SHANK1: variants seen among roughly 807,000 people sequenced by gnomAD.
SHANK1 encodes the protein SH3 and multiple ankyrin repeat domains 1, also known as SH3 and multiple ankyrin repeat domains protein 1.
In SHANK1, 35 loss-of-function variants were observed where a neutral mutation model predicts 165.6. The observed-to-expected ratio is 0.21, with a 90% CI of 0.16 to 0.28. The LOEUF (loss-of-function observed/expected upper bound fraction) is 0.28. SHANK1 is among the 10% of genes least tolerant of loss of function. The pLI, the probability that SHANK1 is intolerant of heterozygous loss-of-function variation, is 1.00. For missense variants in SHANK1, 2,681 were observed against 3,036.4 expected (o/e 0.88, Z 2.75); for synonymous variants, 1,428 against 1,384.8 (o/e 1.03, Z -0.69).
intron 23 of SHANK1, among the ~76,000 whole-genome samples, chr19:50,663,938 C>CTTTT (rs1454041752): frequency 1.1e-4 from 4 of 37,062 alleles, no homozygotes; most frequent in African/African-American, 3.7e-4. Flanking sequence ...CTCTCTCTCT[C>CTTTT]TCTTTTTTTT....
Position 50,717,003 on chromosome 19 carries a change from A to C in SHANK1, c.-43-41T>G. ...GCGGCCATCAGACTAGGAGCCCGGG[A>C]CCCCTCAGAGGCCGCAGGCGCTATT... is the stretch of plus-strand genomic sequence containing the variant. On this transcript the variant is annotated intron_variant, in intron 1 of 23. Coordinates refer to ENST00000293441, the MANE Select transcript of SHANK1 (RefSeq NM_016148.5). The surrounding 1 kb of genome is among the most constrained non-coding windows in gnomAD (Gnocchi z 5.5). 1 of 1,363,548 alleles carries C rather than the reference A, an allele frequency of 7.3e-7. No individual in the cohort carries two copies. The highest frequency in any genetic ancestry group is 9.4e-7 in the Non-Finnish European group (1 of 1,059,460). 84.5% of individuals were successfully genotyped at this position (1,363,548 alleles called of 1,614,324 possible).
At chr19:50,682,586 G>A (rs949168850) in intron 21 of SHANK1, among the ~76,000 whole-genome samples, 2 of 152,168 alleles carry the variant, frequency 1.3e-5, no homozygotes, top group African/African-American at 4.8e-5. Flanking sequence ...GAGTTTCTGG[G>A]GGATCAGGAA....
At position 50,702,786 on chromosome 19, in the gene SHANK1, G is replaced by A; in HGVS notation, c.1554-126C>T. ...GGGGAGGGGGGGTTTCCCAGCACTG[G>A]CGTCCTCCAAGGAAGAGGGCATTTG... On this transcript the variant is annotated intron_variant, in intron 11 of 23. Transcript: ENST00000293441. This position sits in a 1 kb window ranked among gnomAD's most constrained non-coding sequence, Gnocchi z 5.3. The A allele has an allele frequency of 3.1e-6, 2 of 644,452 alleles. No homozygotes were observed. Among genetic ancestry groups the A allele is most frequent in the Non-Finnish European group, 5.3e-6 (2 of 379,748 alleles). The allele number at this position is 644,452 out of a possible 1,614,324, so 39.9% of individuals were successfully genotyped here.
chr19:50,704,429 C>T lies in SHANK1; in HGVS notation c.1155+8G>A, dbSNP rs1334536640. The T allele has an allele frequency of 6.2e-7, 1 of 1,613,068 alleles. No individual in the cohort carries two copies. The highest frequency in any genetic ancestry group is 1.3e-5 in the African/African-American group (1 of 74,914). On this transcript the variant is annotated splice_region_variant and intron_variant, in intron 9 of 23. Transcript: ENST00000293441. ...GGAAACTCCAGCACATCCCCTGCAGCCCCAGACCTGGAAGGGGGTCTGTCC... is the reference window on the plus strand; with the variant it reads ...GGAAACTCCAGCACATCCCCTGCAGTCCCAGACCTGGAAGGGGGTCTGTCC...
intron 19 of SHANK1, chr19:50,687,067 A>C: frequency 7.0e-7 from 1 of 1,432,264 alleles, no homozygotes; most frequent in Non-Finnish European, 9.1e-7. Context: ...GCAGTAGAGG[A>C]GCCAAGAGTT....
rs1012463030 is a variant in SHANK1 at position 50,680,558 on chromosome 19, G to A, written c.2577+5679C>T. On this transcript the variant is annotated intron_variant, in intron 21 of 23. Coordinates refer to ENST00000293441, the MANE Select transcript of SHANK1 (RefSeq NM_016148.5). ...ACCTAGGGTGGATCTGCTGGGCTCC[G>A]CGCCCCTGCTGTCCCTACCTCCTCT... Among the ~76,000 whole-genome samples, 8 of 152,078 alleles carry A rather than the reference G, an allele frequency of 5.3e-5. No homozygotes were observed. The East Asian group carries it at 5.8e-4, about 11-fold the overall frequency.
chr19:50,693,954 G>A (rs1398915218), intron 15 of SHANK1, among the ~76,000 whole-genome samples: 1 of 151,698 alleles, frequency 6.6e-6, no homozygotes, highest in Non-Finnish European at 1.5e-5. Flanking sequence ...GGTAGGCCAG[G>A]CCCAGGAGGG....
In SHANK1 at chr19:50,670,122, A is replaced by G. The variant is rs575417341; in HGVS notation, c.2675-837T>C. On this transcript the variant is annotated intron_variant, in intron 22 of 23. Coordinates refer to ENST00000293441, the MANE Select transcript of SHANK1 (RefSeq NM_016148.5). The surrounding 1 kb of genome is among the most constrained non-coding windows in gnomAD (Gnocchi z 4.1). ...ACACCCAGCTGGCTGTCTCACGGGCATCTCAGACTCCAAACGCTCCAACCC... is the reference window on the plus strand; with the variant it reads ...ACACCCAGCTGGCTGTCTCACGGGCGTCTCAGACTCCAAACGCTCCAACCC... 1.6e-4 allele frequency among the ~76,000 whole-genome samples: 25 copies of G among 152,154 alleles called. No homozygotes were observed. Among genetic ancestry groups the G allele is most frequent in the Admixed American group, 6.5e-5 (1 of 15,292 alleles).
rs143340442 is a variant in SHANK1, at chr19:50,716,441, G to A, written c.293C>T (p.Thr98Met). The stretch of plus-strand genomic sequence containing the variant: ...GGCACAGAGCACCTGCTGCTTGGCC[G>A]TCCAGATGGTGGCATCGGGGTTGAA... ...LRFNPDATIW[T>M]AKQQVLCALS... The change falls in exon 3 of 24, where the codon ACG (threonine) becomes ATG (methionine). Residue 98 changes from threonine (T) to methionine (M), a missense_variant. By Grantham distance (81) the Thr-to-Met change is moderately conservative. This residue lies in a region of SHANK1 where 189 missense variants were observed against 440.9 expected (regional missense o/e 0.43). Coordinates refer to ENST00000293441, the MANE Select transcript of SHANK1 (RefSeq NM_016148.5). This position sits in a 1 kb window ranked among gnomAD's most constrained non-coding sequence, Gnocchi z 8.4. The A allele has an allele frequency of 6.2e-5, 100 of 1,614,156 alleles. No homozygotes were observed. The highest frequency in any genetic ancestry group is 2.9e-4 in the African/African-American group (22 of 75,036).
In SHANK1 at chr19:50,662,452, C is replaced by A; in HGVS notation, c.5999G>T (p.Ser2000Ile). 1 of 1,552,084 alleles carries A rather than the reference C, an allele frequency of 6.4e-7. No individual in the cohort carries two copies. The highest frequency in any genetic ancestry group is 1.9e-5 in the Admixed American group (1 of 51,718). ...MRPPLLRRAP[S>I]PSLLPASEHK... ...CTCCGAGGCGGGCAGCAGCGAGGGGCTGGGGGCCCGGCGGAGCAGAGGGGG... is the reference window on the plus strand; with the variant it reads ...CTCCGAGGCGGGCAGCAGCGAGGGGATGGGGGCCCGGCGGAGCAGAGGGGG... The change falls in exon 24 of 24, where the codon AGC becomes ATC. Residue 2000 changes from serine to isoleucine, a missense_variant. Coordinates refer to ENST00000293441, the MANE Select transcript of SHANK1 (RefSeq NM_016148.5). The surrounding 1 kb of genome is among the most constrained non-coding windows in gnomAD (Gnocchi z 7.7).
rs932878184 is a variant in SHANK1, at chr19:50,670,562, G to A, written c.2675-1277C>T. On this transcript the variant is annotated intron_variant, in intron 22 of 23. Coordinates refer to ENST00000293441, the MANE Select transcript of SHANK1 (RefSeq NM_016148.5). The surrounding 1 kb of genome is among the most constrained non-coding windows in gnomAD (Gnocchi z 4.1). ...ATTCACTCACCTCACTCAGGGCAAA[G>A]GTTCAAGTCCTCACCATGACTCCCC... 6.6e-6 allele frequency among the ~76,000 whole-genome samples: 1 copy of A among 152,274 alleles called. No homozygotes were observed. Among genetic ancestry groups the A allele is most frequent in the South Asian group, 2.1e-4 (1 of 4,824 alleles).
intron 8 of SHANK1, among the ~76,000 whole-genome samples, chr19:50,708,690 A>G (rs185768595): frequency 1.3e-5 from 2 of 152,272 alleles, no homozygotes; most frequent in Admixed American, 6.5e-5. Flanking sequence ...GTCTGTTGAA[A>G]CAAGCAAACA....
intron 21 of SHANK1, among the ~76,000 whole-genome samples, chr19:50,675,730 G>A (rs924807300): frequency 4.6e-5 from 7 of 152,074 alleles, no homozygotes; most frequent in African/African-American, 1.2e-4. Context: ...TGCCAGGCGC[G>A]GTGGCTCACA....
In SHANK1 at chr19:50,703,695, G is replaced by A. The variant is rs781105125; in HGVS notation, c.1358C>T (p.Ala453Val). The change falls in exon 11 of 24, where the codon GCC becomes GTC. Residue 453 changes from alanine to valine, a missense_variant. Coordinates refer to ENST00000293441, the MANE Select transcript of SHANK1 (RefSeq NM_016148.5). ...GGCCCCAGAGGACGCGGCCCCCGGG[G>A]CGGAGAACACCATCCAGTCGGGCAG... ...MALPDWMVFSAPGAASSGAPG... is the reference protein window; with the variant it reads ...MALPDWMVFSVPGAASSGAPG... 2.0e-5 allele frequency: 30 copies of A among 1,465,922 alleles called. No individual in the cohort carries two copies. The highest frequency in any genetic ancestry group is 2.4e-5 in the Non-Finnish European group (27 of 1,111,332). The allele number at this position is 1,465,922 out of a possible 1,614,324, so 90.8% of individuals were successfully genotyped here.
intron 21 of SHANK1, among the ~76,000 whole-genome samples, chr19:50,682,199 G>C (rs1986202144): frequency 6.6e-6 from 1 of 152,008 alleles, no homozygotes; most frequent in African/African-American, 2.4e-5. Context: ...GGGACCACAG[G>C]TGCACACCAC....
rs1165636726 is a variant in SHANK1, at chr19:50,665,590, A to G, written c.5768+602T>C. Among the ~76,000 whole-genome samples, 1,140 of 135,326 alleles carry G rather than the reference A, an allele frequency of 8.4e-3. 17 individuals carry two copies. Among genetic ancestry groups the G allele is most frequent in the African/African-American group, 0.028 (1,063 of 37,602 alleles). 88.8% of individuals were successfully genotyped at this position (135,326 alleles called of 152,430 possible). ...TCAAAAAAAAAAAAAAAAAAAAAAAAAAGAAGAAGAAAAGAAAAATTGGCC... is the reference window on the plus strand; with the variant it reads ...TCAAAAAAAAAAAAAAAAAAAAAAAGAAGAAGAAGAAAAGAAAAATTGGCC... On this transcript the variant is annotated intron_variant, in intron 23 of 23. Coordinates refer to ENST00000293441, the MANE Select transcript of SHANK1 (RefSeq NM_016148.5).
rs1482750343 is a variant in SHANK1, at chr19:50,662,148, G to A, written c.6303C>T (p.Phe2101=). The A allele has an allele frequency of 2.5e-6, 4 of 1,613,540 alleles. No individual in the cohort carries two copies. Among genetic ancestry groups the A allele is most frequent in the South Asian group, 1.1e-5 (1 of 91,034 alleles). Residue 2101 remains phenylalanine, a synonymous_variant, in exon 24 of 24, where the codon TTC becomes TTT. Transcript: ENST00000293441. This position sits in a 1 kb window ranked among gnomAD's most constrained non-coding sequence, Gnocchi z 7.7. ...GCCACTCCAGCCAATCAGCCACGTC[G>A]AACTTGGTCCAGAACCCCAGAGGTT... ...GAKPLGFWTK[F]DVADWLEWLG...
chr19:50,704,197 G>T lies in SHANK1; in HGVS notation c.1156-11C>A, dbSNP rs373188622. On this transcript the variant is annotated splice_polypyrimidine_tract_variant and intron_variant, in intron 9 of 23. Coordinates refer to ENST00000293441, the MANE Select transcript of SHANK1 (RefSeq NM_016148.5). ...AGCAATCACTGCCACCTGGAGGGAGGGGGTAGAGGCAGGTCGGCCAGGGGG... is the reference window on the plus strand; with the variant it reads ...AGCAATCACTGCCACCTGGAGGGAGTGGGTAGAGGCAGGTCGGCCAGGGGG... The T allele has an allele frequency of 1.5e-5, 24 of 1,613,602 alleles. No individual in the cohort carries two copies. In the South Asian group the frequency reaches 2.2e-4, roughly 15 times the overall value.
At chr19:50,707,282 C>T (rs910088677) in intron 8 of SHANK1, among the ~76,000 whole-genome samples, 4 of 152,222 alleles carry the variant, frequency 2.6e-5, no homozygotes, top group East Asian at 1.9e-4. Context: ...GCTGGACCCA[C>T]AGGGACTATT....
Sources: allele counts gnomAD v4.1 joint callset (sites outside exome capture counted in the v4.1 genomes callset), GRCh38; gene constraint gnomAD v4.1.1; regional missense constraint gnomAD v4.1.1; non-coding constraint Gnocchi (gnomAD v3.1); transcripts MANE v1.5; gene names NCBI Gene and HGNC (gene_info 2026-07-23, HGNC 2026-07-21).